Variants in ITGB8 observed in about 807,000 individuals in gnomAD.
ITGB8 encodes the protein integrin beta-8.
ITGB8 carries 30 observed loss-of-function variants against 89.5 expected under a neutral mutation model. The observed-to-expected ratio is 0.34, with a 90% CI of 0.25 to 0.45. The LOEUF (loss-of-function observed/expected upper bound fraction) is 0.45, where lower values mean the gene tolerates loss of function less well. Ranked by LOEUF, ITGB8 falls within the 20% of genes least tolerant of loss-of-function variation. The pLI is 1.00. For synonymous variants in ITGB8, 335 were observed against 320.4 expected, an observed-to-expected ratio of 1.05 and a Z score of -0.49; for missense variants, 836 against 933.3, an observed-to-expected ratio of 0.90 and a Z score of 1.36.
At chr7:20,335,019 A>G (rs1291064077) in intron 1 of ITGB8, among the ~76,000 whole-genome samples, 7 of 152,182 alleles carry the variant, frequency 4.6e-5, no homozygotes, top group African/African-American at 1.7e-4. Flanking sequence ...TATACTCATC[A>G]CCCAGCTTCA....
intron 3 of ITGB8, among the ~76,000 whole-genome samples, chr7:20,374,127 T>C (rs1445824260): frequency 1.3e-5 from 2 of 152,128 alleles, no homozygotes; most frequent in Non-Finnish European, 2.9e-5. Flanking sequence ...ATATAAGTGG[T>C]GGCAGGAAGA....
At chr7:20,406,302 G>GCA (rs1368781127) in intron 12 of ITGB8, 131 bp downstream of exon 12, 1 of 612,452 alleles carries the variant, frequency 1.6e-6, no homozygotes, top group Non-Finnish European at 2.9e-6. Flanking sequence ...TGTAATCCCA[G>GCA]CATTTTGGGA....
intron 3 of ITGB8, among the ~76,000 whole-genome samples, chr7:20,377,161 T>C (rs1786185482): frequency 6.6e-6 from 1 of 152,194 alleles, no homozygotes; most frequent in Admixed American, 6.5e-5. Context: ...CACCAACCTA[T>C]ACCTTTGCTG....
rs1390466141 is a variant in ITGB8, at chr7:20,332,056, G to A, written c.127+123G>A. 4.8e-6 allele frequency: 7 copies of A among 1,470,720 alleles called. No individual in the cohort carries two copies. The East Asian group carries it at 1.2e-4, about 26-fold the overall frequency. The allele number at this position is 1,470,720 out of a possible 1,614,324, so 91.1% of individuals were successfully genotyped here. ...GCGGTCATCAGAGAACTTCAAGGGG[G>A]CGGGTGCGGGGCAGCGTCCTCCAGC... On this transcript the variant is annotated intron_variant, in intron 1 of 13. Coordinates refer to ENST00000222573, the MANE Select transcript of ITGB8 (RefSeq NM_002214.3).
intron 7 of ITGB8, among the ~76,000 whole-genome samples, chr7:20,394,135 G>A (rs1323653162): frequency 1.3e-5 from 2 of 152,174 alleles, no homozygotes; most frequent in Non-Finnish European, 2.9e-5. Flanking sequence ...CTAAGTAATG[G>A]CTGGCATCCA....
At chr7:20,342,677 C>A (rs1040671546) in intron 1 of ITGB8, among the ~76,000 whole-genome samples, 3 of 151,458 alleles carry the variant, frequency 2.0e-5, no homozygotes, top group Non-Finnish European at 4.4e-5. Flanking sequence ...ATTTTTCATT[C>A]ATTTTTTTTT....
intron 2 of ITGB8, 192 bp from the exon 3 acceptor site, chr7:20,366,820 A>G (rs935621157): frequency 1.4e-5 from 7 of 503,446 alleles, no homozygotes; most frequent in African/African-American, 2.0e-5. Flanking sequence ...TTCCTTCTCA[A>G]ATAGGTTTTA....
chr7:20,380,505 G>T, intron 4 of ITGB8, 161 bp from the exon 5 acceptor site: 1 of 600,622 alleles, frequency 1.7e-6, no homozygotes, highest in African/African-American at 1.9e-5. Context: ...TCAGCATTGA[G>T]CTTATCTCTA....
At chr7:20,395,459 T>G (rs142315087) in intron 8 of ITGB8, among the ~76,000 whole-genome samples, 161 of 152,352 alleles carry the variant, frequency 1.1e-3, no homozygotes, top group African/African-American at 3.7e-3. Context: ...CAACAATTAT[T>G]TTAGCATTTT....
At chr7:20,365,249 G>T (rs937113274) in intron 2 of ITGB8, 6 of 152,360 alleles carry the variant, frequency 3.9e-5, no homozygotes, top group African/African-American at 1.4e-4. Context: ...GAGGGGAGAA[G>T]GAAAACCTGT....
chr7:20,379,027 G>A, intron 3 of ITGB8, 24 bp from the exon 4 acceptor site: 1 of 1,546,878 alleles, frequency 6.5e-7, no homozygotes, highest in Non-Finnish European at 8.7e-7. Context: ...AAGACTACAT[G>A]ATGTTTTTCT....
At chr7:20,352,625 C>T (rs1316480558) in intron 1 of ITGB8, 1 of 152,240 alleles carries the variant, frequency 6.6e-6, no homozygotes, top group Non-Finnish European at 1.5e-5. Context: ...AAACCAGCCT[C>T]AAGTCTACCT....
chr7:20,377,621 G>A (rs1786208513), intron 3 of ITGB8, among the ~76,000 whole-genome samples: 1 of 152,310 alleles, frequency 6.6e-6, no homozygotes, highest in East Asian at 1.9e-4. Flanking sequence ...GCAGAATATA[G>A]GATATGCTCT....
intron 6 of ITGB8, among the ~76,000 whole-genome samples, chr7:20,383,383 A>AC (rs1295450920): frequency 1.3e-5 from 2 of 152,116 alleles, no homozygotes; most frequent in Admixed American, 6.5e-5. Flanking sequence ...ACTTTGACAG[A>AC]CCCACCTACT....
chr7:20,374,118 T>A (rs1786039546), intron 3 of ITGB8, among the ~76,000 whole-genome samples: 1 of 152,098 alleles, frequency 6.6e-6, no homozygotes. Flanking sequence ...CTGGAGATAA[T>A]ATAAGTGGTG....
chr7:20,394,141 A>G (rs1012308595), intron 7 of ITGB8, among the ~76,000 whole-genome samples: 2 of 152,248 alleles, frequency 1.3e-5, no homozygotes, highest in African/African-American at 4.8e-5. Context: ...AATGGCTGGC[A>G]TCCAGCAGGA....
intron 3 of ITGB8, among the ~76,000 whole-genome samples, chr7:20,371,048 CCAAA>C (rs1374152627): frequency 1.3e-5 from 2 of 152,142 alleles, no homozygotes; most frequent in Admixed American, 6.5e-5. Context: ...AACAATATCA[CCAAA>C]CAAATAGGCT....
chr7:20,413,540 TTTTCCACTCACTCTTCCCAAGAGA>T lies in ITGB8; in HGVS notation c.*3549_*3572del, dbSNP rs1308208781. On this transcript the variant is annotated 3_prime_UTR_variant, in exon 14 of 14. Coordinates refer to ENST00000222573, the MANE Select transcript of ITGB8 (RefSeq NM_002214.3). ...TTTTCTTCCTTTTCTTACTCCTGTT[TTTTCCACTCACTCTTCCCAAGAGA>T]TTTCCTAAAGCTTCAAGCTTAATAA... 32 of 152,416 alleles carry T rather than the reference TTTTCCACTCACTCTTCCCAAGAGA, an allele frequency of 2.1e-4. No individual in the cohort carries two copies. The highest frequency in any genetic ancestry group is 2.9e-5 in the Non-Finnish European group (2 of 67,954). The allele number at this position is 152,416 out of a possible 1,614,324, so 9.4% of individuals were successfully genotyped here.
rs1355345555 is a variant in ITGB8 at position 20,348,320 on chromosome 7, G to C, written c.128-15317G>C. On this transcript the variant is annotated intron_variant, in intron 1 of 13. Coordinates refer to ENST00000222573, the MANE Select transcript of ITGB8 (RefSeq NM_002214.3). ...CCCAATTCTTAATAGGTTTCTGGCA[G>C]TGCCCCATAAGGCAGCCTCAGATAA... 2.6e-5 allele frequency among the ~76,000 whole-genome samples: 4 copies of C among 152,300 alleles called. No homozygotes were observed. In the South Asian group the frequency reaches 8.3e-4, roughly 32 times the overall value.
Sources: allele counts gnomAD v4.1 joint callset (sites outside exome capture counted in the v4.1 genomes callset), GRCh38; gene constraint gnomAD v4.1.1; transcripts MANE v1.5; gene names NCBI Gene and HGNC (gene_info 2026-07-23, HGNC 2026-07-21).